The following EPB41L3 variants were observed in gnomAD, a reference collection of about 807,000 sequenced individuals.
The protein encoded by EPB41L3 is band 4.1-like protein 3.
A neutral mutation model predicts 127.1 loss-of-function variants in EPB41L3; 57 were observed. That is an observed-to-expected ratio of 0.45 (90% CI 0.36 to 0.56). The LOEUF (loss-of-function observed/expected upper bound fraction) is 0.56. Ranked by LOEUF, EPB41L3 falls within the 20% of genes least tolerant of loss-of-function variation. The probability of loss-of-function intolerance (pLI) is 0.00; values close to 1 mark genes in which losing one functional copy is unlikely to be tolerated. For synonymous variants in EPB41L3, 572 were observed against 549.5 expected, an observed-to-expected ratio of 1.04 and a Z score of -0.57; for missense variants, 1,273 against 1,372.2, an observed-to-expected ratio of 0.93 and a Z score of 1.14.
intron 11 of EPB41L3, among the ~76,000 whole-genome samples, chr18:5,423,174 A>C (rs2077695024): frequency 6.6e-6 from 1 of 152,148 alleles, no homozygotes; most frequent in South Asian, 2.1e-4. Context: ...ATGTAATTTT[A>C]CATAAACCTG....
upstream of EPB41L3, among the ~76,000 whole-genome samples, chr18:5,546,297 C>A (rs1398317329): frequency 6.6e-6 from 1 of 152,110 alleles, no homozygotes; most frequent in African/African-American, 2.4e-5. Flanking sequence ...CTTTGGGAGG[C>A]TGAGGCCGGT....
chr18:5,553,648 G>A (rs527477426), intron 3 of EPB41L3, among the ~76,000 whole-genome samples: 39 of 152,194 alleles, frequency 2.6e-4, no homozygotes, highest in Admixed American at 3.9e-4. Context: ...AGTAGATCCC[G>A]CTGGCTCTAC....
chr18:5,577,710 T>C (rs2143056076), intron 3 of EPB41L3: 1 of 161,176 alleles, frequency 6.2e-6, no homozygotes, highest in East Asian at 1.9e-4. Flanking sequence ...TAAAGTGTCA[T>C]GGGGCCACCT....
At chr18:5,601,979 G>A (rs936291443) in intron 3 of EPB41L3, among the ~76,000 whole-genome samples, 7 of 152,162 alleles carry the variant, frequency 4.6e-5, no homozygotes, top group Admixed American at 1.3e-4. Flanking sequence ...TAGTATAGAG[G>A]ACCTGTGGCT....
chr18:5,585,231 T>A (rs920615233), intron 3 of EPB41L3, among the ~76,000 whole-genome samples: 7 of 152,214 alleles, frequency 4.6e-5, no homozygotes, highest in Non-Finnish European at 1.0e-4. Flanking sequence ...CTAAAACAAT[T>A]GCTAATGTGT....
At chr18:5,525,817 C>T (rs1351086280) in intron 1 of EPB41L3, among the ~76,000 whole-genome samples, 1 of 152,104 alleles carries the variant, frequency 6.6e-6, no homozygotes, top group East Asian at 1.9e-4. Context: ...ATATTCTTCT[C>T]CACCATTCAA....
intron 3 of EPB41L3, among the ~76,000 whole-genome samples, chr18:5,580,469 T>C (rs1354641699): frequency 1.3e-5 from 2 of 152,094 alleles, no homozygotes; most frequent in Non-Finnish European, 2.9e-5. Flanking sequence ...CACAAATATA[T>C]AGATACAGAC....
chr18:5,456,924 G>C (rs545161236), intron 3 of EPB41L3, among the ~76,000 whole-genome samples: 1 of 152,374 alleles, frequency 6.6e-6, no homozygotes, highest in African/African-American at 2.4e-5. Flanking sequence ...GCTCAGCCCA[G>C]TGAGAAGCTG....
Position 5,416,385 on chromosome 18 carries a change from TGAAA to T in EPB41L3, c.1507-11_1507-8del, listed in dbSNP as rs776949469. 1.2e-5 allele frequency: 19 copies of T among 1,604,238 alleles called. No individual in the cohort carries two copies. The highest frequency in any genetic ancestry group is 2.7e-5 in the African/African-American group (2 of 74,640). ...CAGTGCCAAGCCCAGGTGACTGATGTGAAAGAGACAGAAAGAGACAGAAAGCAGC... is the reference window on the plus strand; with the variant it reads ...CAGTGCCAAGCCCAGGTGACTGATGTGAGACAGAAAGAGACAGAAAGCAGC... On this transcript the variant is annotated splice_polypyrimidine_tract_variant and splice_region_variant and intron_variant, in intron 12 of 22. Transcript: ENST00000341928.
chr18:5,409,092 C>A (rs773643100), intron 14 of EPB41L3, among the ~76,000 whole-genome samples: 1 of 152,166 alleles, frequency 6.6e-6, no homozygotes, highest in African/African-American at 2.4e-5. Flanking sequence ...GTGCTGGCCA[C>A]CTATAGATGG....
intron 3 of EPB41L3, among the ~76,000 whole-genome samples, chr18:5,452,225 T>C (rs7230414): frequency 0.41 from 61,717 of 151,884 alleles, 12,598 homozygotes; most frequent in East Asian, 0.47. Flanking sequence ...AATTAAAATA[T>C]GTTTGCAACT....
chr18:5,605,547 GTTTAT>G (rs1276671403), intron 3 of EPB41L3, among the ~76,000 whole-genome samples: 1 of 151,878 alleles, frequency 6.6e-6, no homozygotes, highest in Admixed American at 6.6e-5. Flanking sequence ...CCTGGCTGAT[GTTTAT>G]TTTATTTTAT....
chr18:5,415,927 G>A lies in EPB41L3; in HGVS notation c.1958C>T (p.Ala653Val). 1 of 1,614,128 alleles carries A rather than the reference G, an allele frequency of 6.2e-7. No homozygotes were observed. The highest frequency in any genetic ancestry group is 8.5e-7 in the Non-Finnish European group (1 of 1,180,030). The change falls in exon 13 of 23, where the codon GCT becomes GTT. Residue 653 changes from alanine (A) to valine (V), a missense_variant. Ala to Val is a moderately conservative substitution (Grantham distance 64). Around this residue, in one of 3 missense-constraint regions of EPB41L3, gnomAD observed 765 missense variants for 782.9 expected, o/e 0.98. Transcript: ENST00000341928. Reference protein sequence around the residue: ...LLSASFSVPYALTLSFPLALC... With the variant: ...LLSASFSVPYVLTLSFPLALC... ...AGCCAGAGGGAAGGAGAGAGTGAGA[G>A]CGTATGGCACTGAGAAGGAGGCAGA...
At chr18:5,577,768 T>C (rs1457992958) in intron 3 of EPB41L3, 1 of 154,550 alleles carries the variant, frequency 6.5e-6, no homozygotes, top group Non-Finnish European at 1.4e-5. Flanking sequence ...TATTGAATTT[T>C]CAGTTTAGTT....
At position 5,396,208 on chromosome 18, in the gene EPB41L3, G is replaced by A. The variant is rs138017302; in HGVS notation, c.2966C>T (p.Ser989Leu). 3 of 1,614,146 alleles carry A rather than the reference G, an allele frequency of 1.9e-6. No individual in the cohort carries two copies. The highest frequency in any genetic ancestry group is 1.3e-5 in the African/African-American group (1 of 75,076). The change falls in exon 19 of 23, where the codon TCA becomes TTA. Residue 989 changes from serine (S) to leucine (L), a missense_variant. Physicochemically the swap from Ser to Leu is moderately radical, Grantham distance 145. This residue lies in a region of EPB41L3 where 765 missense variants were observed against 782.9 expected (regional missense o/e 0.98). Coordinates refer to ENST00000341928, the MANE Select transcript of EPB41L3 (RefSeq NM_012307.5). Reference sequence around the variant, plus strand: ...CTTCACAGAATATCTCACCTGTGATGATTCATATGTGATGGTTTTGGTTTC... The same window carrying A: ...CTTCACAGAATATCTCACCTGTGATAATTCATATGTGATGGTTTTGGTTTC... ...HTETKTITYE[S>L]SQVDPGTDLE... is the part of the protein sequence containing the mutation.
intron 3 of EPB41L3, among the ~76,000 whole-genome samples, chr18:5,602,174 C>A (rs1006164160): frequency 3.3e-5 from 5 of 152,148 alleles, no homozygotes; most frequent in Non-Finnish European, 7.3e-5. Context: ...ACAATAACAT[C>A]AAGTGTTTCA....
intron 3 of EPB41L3, among the ~76,000 whole-genome samples, chr18:5,456,120 T>C (rs891180779): frequency 6.6e-5 from 10 of 152,174 alleles, no homozygotes; most frequent in African/African-American, 1.2e-4. Flanking sequence ...AACTCAAATA[T>C]AGACAATAAA....
intron 2 of EPB41L3, among the ~76,000 whole-genome samples, chr18:5,488,311 G>A (rs1023319101): frequency 3.9e-5 from 6 of 151,920 alleles, no homozygotes; most frequent in African/African-American, 1.2e-4. Context: ...AACTAACACA[G>A]GAACAGAAAA....
At chr18:5,540,949 G>T (rs991299006) in intron 1 of EPB41L3, among the ~76,000 whole-genome samples, 1 of 152,008 alleles carries the variant, frequency 6.6e-6, no homozygotes, top group Non-Finnish European at 1.5e-5. Flanking sequence ...GCCGGGCGTG[G>T]TGGCGGGCGC....
Sources: gnomAD v4.1 joint callset for allele counts (sites outside exome capture counted in the v4.1 genomes callset) on GRCh38, gnomAD v4.1.1 for gene constraint, gnomAD v4.1.1 regional missense constraint, MANE v1.5 for transcripts, NCBI Gene and HGNC (gene_info 2026-07-23, HGNC 2026-07-21) for gene names.